PARP8: variants seen among roughly 807,000 people sequenced by gnomAD.
The protein encoded by PARP8 is poly(ADP-ribose) polymerase family member 8.
PARP8 carries 51 observed loss-of-function variants against 124.1 expected under a neutral mutation model. That is an observed-to-expected ratio of 0.41 (90% CI 0.33 to 0.52). The LOEUF is 0.52. PARP8 is among the 20% of genes least tolerant of loss of function. PARP8 has a pLI of 0.21. For synonymous variants in PARP8, 391 were observed against 361.5 expected, an observed-to-expected ratio of 1.08 and a Z score of -0.93; for missense variants, 860 against 1,018.9, an observed-to-expected ratio of 0.84 and a Z score of 2.12.
chr5:50,752,988 C>G (rs35328303), intron 3 of PARP8, among the ~76,000 whole-genome samples: 3 of 151,622 alleles, frequency 2.0e-5, no homozygotes, highest in Non-Finnish European at 2.9e-5. Flanking sequence ...ATTTAGAGGG[C>G]CTTTGTTGAG....
chr5:50,698,566 T>C (rs1753269214), intron 2 of PARP8, among the ~76,000 whole-genome samples: 1 of 151,992 alleles, frequency 6.6e-6, no homozygotes, highest in Admixed American at 6.6e-5. Flanking sequence ...TCAGTGGAAA[T>C]AGGATGATAC....
intron 14 of PARP8, among the ~76,000 whole-genome samples, chr5:50,799,537 G>C (rs1161616555): frequency 6.6e-6 from 1 of 152,198 alleles, no homozygotes; most frequent in Non-Finnish European, 1.5e-5. Flanking sequence ...TGCATTGACT[G>C]TTTGGGGTCT....
intron 14 of PARP8, among the ~76,000 whole-genome samples, chr5:50,803,078 T>A (rs778968097): frequency 6.6e-6 from 1 of 152,164 alleles, no homozygotes; most frequent in African/African-American, 2.4e-5. Flanking sequence ...ATGCTGGGTA[T>A]AGAATTCATG....
At chr5:50,740,258 A>G (rs1283460215) in intron 2 of PARP8, among the ~76,000 whole-genome samples, 1 of 152,160 alleles carries the variant, frequency 6.6e-6, no homozygotes, top group Non-Finnish European at 1.5e-5. Flanking sequence ...AGATCTGATC[A>G]AGTCTGGGAA....
At chr5:50,783,657 G>A (rs1347402099) in intron 9 of PARP8, among the ~76,000 whole-genome samples, 1 of 152,132 alleles carries the variant, frequency 6.6e-6, no homozygotes, top group Non-Finnish European at 1.5e-5. Flanking sequence ...TGCAAAGAAT[G>A]CCCTTAAATA....
chr5:50,673,518 A>G (rs1378382352), intron 2 of PARP8, among the ~76,000 whole-genome samples: 1 of 152,314 alleles, frequency 6.6e-6, no homozygotes, highest in East Asian at 1.9e-4. Flanking sequence ...TTTACGTTTT[A>G]TAGCAGGAAA....
At chr5:50,804,170 G>A (rs183818896) in intron 14 of PARP8, among the ~76,000 whole-genome samples, 1 of 152,082 alleles carries the variant, frequency 6.6e-6, no homozygotes. Flanking sequence ...GTTTGCCTCA[G>A]TTGTTATCTG....
chr5:50,683,633 T>TTC (rs2149448927), intron 2 of PARP8, among the ~76,000 whole-genome samples: 1 of 14,146 alleles, frequency 7.1e-5, no homozygotes, highest in Non-Finnish European at 4.7e-4. Context: ...TGTGTAGTTA[T>TTC]TTTTCCTTTC....
intron 14 of PARP8, among the ~76,000 whole-genome samples, chr5:50,801,859 A>C (rs1489395881): frequency 6.6e-6 from 1 of 151,622 alleles, no homozygotes; most frequent in Admixed American, 6.6e-5. Flanking sequence ...CTCTTTTTTC[A>C]TGTTCTTCTT....
At chr5:50,683,251 C>G (rs1751489881) in intron 2 of PARP8, among the ~76,000 whole-genome samples, 1 of 152,116 alleles carries the variant, frequency 6.6e-6, no homozygotes, top group Admixed American at 6.5e-5. Flanking sequence ...TAGATTCCAT[C>G]AATATTCAGA....
intron 14 of PARP8, among the ~76,000 whole-genome samples, chr5:50,810,600 A>T (rs898384117): frequency 6.6e-6 from 1 of 152,044 alleles, no homozygotes; most frequent in Non-Finnish European, 1.5e-5. Flanking sequence ...TCCTTCTGTG[A>T]GCGAGAGAGA....
At chr5:50,768,035 T>TA (rs1205903950) in intron 7 of PARP8, among the ~76,000 whole-genome samples, 1 of 150,066 alleles carries the variant, frequency 6.7e-6, no homozygotes, top group Admixed American at 6.7e-5. Context: ...GTGTGTGTGT[T>TA]CCCTGACAGT....
intron 2 of PARP8, among the ~76,000 whole-genome samples, chr5:50,704,650 A>G (rs1201902240): frequency 6.6e-6 from 1 of 152,222 alleles, no homozygotes; most frequent in Non-Finnish European, 1.5e-5. Flanking sequence ...AATAAAAAGA[A>G]TGTAACATAT....
chr5:50,726,519 T>C (rs182745026), intron 2 of PARP8, among the ~76,000 whole-genome samples: 2 of 152,310 alleles, frequency 1.3e-5, no homozygotes, highest in South Asian at 2.1e-4. Context: ...GTAAAGCATA[T>C]TGTATATTGC....
At chr5:50,832,728 C>G (rs1331929703) in intron 22 of PARP8, 53 bp from the exon 23 acceptor site, 1 of 1,557,740 alleles carries the variant, frequency 6.4e-7, no homozygotes, top group African/African-American at 1.4e-5. Flanking sequence ...ATTGTACTTT[C>G]AGCTGCATCA....
chr5:50,835,047 T>C (rs1235936304), intron 25 of PARP8, 32 bp downstream of exon 25: 1 of 1,581,156 alleles, frequency 6.3e-7, no homozygotes, highest in Non-Finnish European at 8.7e-7. Flanking sequence ...TGTATATTAC[T>C]GTCTTTGCCA....
intron 2 of PARP8, among the ~76,000 whole-genome samples, chr5:50,730,551 A>G (rs1756877535): frequency 6.6e-6 from 1 of 152,170 alleles, no homozygotes; most frequent in African/African-American, 2.4e-5. Flanking sequence ...GGTCCCTCCT[A>G]TGACACGTGG....
rs372370052 is a variant in PARP8 at position 50,763,158 on chromosome 5, A to G, written c.434A>G (p.Asp145Gly). The change falls in exon 7 of 26, where the codon GAT becomes GGT. Residue 145 changes from aspartate (D) to glycine (G), a missense_variant. Physicochemically the swap from Asp to Gly is moderately conservative, Grantham distance 94. Around this residue, in one of 2 missense-constraint regions of PARP8, gnomAD observed 517 missense variants for 544.2 expected, o/e 0.95. Coordinates refer to ENST00000281631, the MANE Select transcript of PARP8 (RefSeq NM_024615.4). ...ATCCCTTTTCATCAGGTGAACTATG[A>G]TGGGGAACTGCACAAGCACCCACAA... The part of the protein sequence containing the change: ...EFYYGGQVNY[D>G]GELHKHPQLE... The G allele has an allele frequency of 1.2e-4, 193 of 1,612,570 alleles. No homozygotes were observed. The highest frequency in any genetic ancestry group is 1.5e-4 in the Non-Finnish European group (179 of 1,178,770).
At chr5:50,709,054 T>G (rs1754454783) in intron 2 of PARP8, among the ~76,000 whole-genome samples, 1 of 152,130 alleles carries the variant, frequency 6.6e-6, no homozygotes, top group Non-Finnish European at 1.5e-5. Context: ...CCCAAAGTGC[T>G]AAGATTACCA....
Sources: gnomAD v4.1 joint callset for allele counts (sites outside exome capture counted in the v4.1 genomes callset) on GRCh38, gnomAD v4.1.1 for gene constraint, gnomAD v4.1.1 regional missense constraint, MANE v1.5 for transcripts, NCBI Gene and HGNC (gene_info 2026-07-23, HGNC 2026-07-21) for gene names.